Variants in CDH23 observed in about 807,000 individuals in gnomAD.
CDH23 encodes the protein cadherin-23.
CDH23 carries 189 observed loss-of-function variants against 317.1 expected under a neutral mutation model. The ratio of observed to expected loss-of-function variants is 0.60; its 90% CI spans 0.53 to 0.67. The LOEUF (loss-of-function observed/expected upper bound fraction) is 0.67. Among genes scored for constraint, CDH23 ranks in the 30% least tolerant of loss-of-function variants. CDH23 has a pLI of 0.00. For synonymous variants in CDH23, 1,839 were observed against 1,876.8 expected, an observed-to-expected ratio of 0.98 and a Z score of 0.52; for missense variants, 4,401 against 4,592.4, an observed-to-expected ratio of 0.96 and a Z score of 1.20.
At chr10:71,809,530 CAG>C (rs1206633831) in intron 60 of CDH23, among the ~76,000 whole-genome samples, 1 of 152,176 alleles carries the variant, frequency 6.6e-6, no homozygotes, top group Non-Finnish European at 1.5e-5. Flanking sequence ...GAGAAACAGA[CAG>C]ACACTCAGGG....
At chr10:71,664,621 C>T (rs1863808681) in intron 14 of CDH23, among the ~76,000 whole-genome samples, 1 of 152,216 alleles carries the variant, frequency 6.6e-6, no homozygotes, top group South Asian at 2.1e-4. Flanking sequence ...ATAATACTAG[C>T]TCCACTTAGA....
chr10:71,780,791 G>A (rs141022034), intron 41 of CDH23, among the ~76,000 whole-genome samples: 69 of 152,288 alleles, frequency 4.5e-4, no homozygotes, highest in African/African-American at 1.5e-3. Context: ...CAGGGAAGTC[G>A]GATGGGAACC....
intron 3 of CDH23, among the ~76,000 whole-genome samples, chr10:71,499,269 G>C (rs1006400813): frequency 2.0e-5 from 3 of 152,084 alleles, no homozygotes; most frequent in African/African-American, 7.2e-5. Flanking sequence ...AGAGGGGATG[G>C]TTGATGAGTA....
At position 71,812,033 on chromosome 10, in the gene CDH23, C is replaced by T. The variant is rs2133004447; in HGVS notation, c.9380+18C>T. 6.2e-7 allele frequency: 1 copy of T among 1,613,956 alleles called. No individual in the cohort carries two copies. The highest frequency in any genetic ancestry group is 8.5e-7 in the Non-Finnish European group (1 of 1,179,870). ...TTTGATGGGTGAGTGGGGTACTGGC[C>T]CTGCCCGGTCCCCTGCGGGGAGTCC... On this transcript the variant is annotated intron_variant, in intron 66 of 69. Transcript: ENST00000224721.
chr10:71,666,196 A>T (rs1863884549), intron 14 of CDH23, among the ~76,000 whole-genome samples: 1 of 151,450 alleles, frequency 6.6e-6, no homozygotes, highest in Admixed American at 6.6e-5. Flanking sequence ...CCTCCAGCCC[A>T]GCCCCCCTTC....
chr10:71,777,690 A>G lies in CDH23; in HGVS notation c.4856A>G (p.His1619Arg). 1 of 1,611,424 alleles carries G rather than the reference A, an allele frequency of 6.2e-7. No homozygotes were observed. Among genetic ancestry groups the G allele is most frequent in the Non-Finnish European group, 8.5e-7 (1 of 1,178,962 alleles). Reference protein sequence around the residue: ...EGTPTLSATTHVYVTIVDEND... With the variant: ...EGTPTLSATTRVYVTIVDEND... ...CACTCTTTTCCACAGGCCACCACGC[A>G]CGTGTACGTGACCATTGTGGATGAG... The change falls in exon 39 of 70, where the codon CAC becomes CGC. Residue 1619 changes from histidine to arginine, a missense_variant. Transcript: ENST00000224721.
intron 6 of CDH23, among the ~76,000 whole-genome samples, chr10:71,518,401 G>T (rs1854463667): frequency 6.6e-6 from 1 of 152,216 alleles, no homozygotes. Context: ...CTGAGGCCCT[G>T]ATCCATCCCT....
intron 9 of CDH23, among the ~76,000 whole-genome samples, chr10:71,611,616 A>T (rs987366938): frequency 2.0e-5 from 3 of 152,172 alleles, no homozygotes; most frequent in African/African-American, 7.2e-5. Context: ...CCTTTTACAG[A>T]CCAAGCAACT....
chr10:71,811,478 C>T lies in CDH23; in HGVS notation c.9199-33C>T, dbSNP rs373219086. 3 of 1,613,906 alleles carry T rather than the reference C, an allele frequency of 1.9e-6. No homozygotes were observed. In the African/African-American group the frequency reaches 4.0e-5, roughly 22 times the overall value. On this transcript the variant is annotated intron_variant, in intron 63 of 69. Coordinates refer to ENST00000224721, the MANE Select transcript of CDH23 (RefSeq NM_022124.6). Reference sequence around the variant, plus strand: ...CCCACAGCCCTAGCCGCCCTCCCCACTGCCCGGGCTTACCCTGGTCCTGCT... The same window carrying T: ...CCCACAGCCCTAGCCGCCCTCCCCATTGCCCGGGCTTACCCTGGTCCTGCT...
intron 1 of CDH23, among the ~76,000 whole-genome samples, chr10:71,418,231 T>C (rs1364243472): frequency 6.6e-6 from 1 of 152,214 alleles, no homozygotes; most frequent in Non-Finnish European, 1.5e-5. Flanking sequence ...AATGTTTTAA[T>C]GAATGTCAGT....
At chr10:71,634,845 T>C (rs1402877988) in intron 11 of CDH23, among the ~76,000 whole-genome samples, 2 of 152,276 alleles carry the variant, frequency 1.3e-5, no homozygotes, top group Non-Finnish European at 2.9e-5. Flanking sequence ...CACATAAAGC[T>C]TGCCCTTTGG....
At chr10:71,534,103 G>A (rs146689312) in intron 6 of CDH23, among the ~76,000 whole-genome samples, 49 of 152,156 alleles carry the variant, frequency 3.2e-4, no homozygotes, top group Middle Eastern at 6.8e-3. Flanking sequence ...ATCCCTTTGC[G>A]CCGAGATGCC....
At chr10:71,600,112 C>T (rs184186137) in intron 9 of CDH23, among the ~76,000 whole-genome samples, 1 of 149,214 alleles carries the variant, frequency 6.7e-6, no homozygotes, top group East Asian at 2.1e-4. Context: ...AAGCAAATCT[C>T]CTGCCTCAGC....
chr10:71,533,623 G>A (rs1425561634), intron 6 of CDH23, among the ~76,000 whole-genome samples: 1 of 151,618 alleles, frequency 6.6e-6, no homozygotes, highest in African/African-American at 2.4e-5. Context: ...CCTGTTAAAA[G>A]CGTAGGTGAT....
chr10:71,759,049 T>G (rs1840221778), intron 38 of CDH23, among the ~76,000 whole-genome samples: 1 of 151,556 alleles, frequency 6.6e-6, no homozygotes, highest in African/African-American at 2.4e-5. Context: ...TTGGGTTGTT[T>G]TTTTTTTGAG....
intron 6 of CDH23, among the ~76,000 whole-genome samples, chr10:71,547,158 A>G (rs557876623): frequency 6.6e-6 from 1 of 152,350 alleles, no homozygotes; most frequent in South Asian, 2.1e-4. Context: ...ACCTAATGTC[A>G]GTGGGATTGG....
At chr10:71,709,856 C>T (rs10999967) in intron 27 of CDH23, among the ~76,000 whole-genome samples, 12,214 of 152,014 alleles carry the variant, frequency 0.08, 1,083 homozygotes, top group African/African-American at 0.2. Context: ...TACAGTTCCA[C>T]GTGGCTGGGG....
At chr10:71,473,562 A>G (rs936043333) in intron 3 of CDH23, among the ~76,000 whole-genome samples, 2 of 152,218 alleles carry the variant, frequency 1.3e-5, no homozygotes, top group Non-Finnish European at 2.9e-5. Context: ...AAATCCTGGT[A>G]TCCAGAGGTC....
intron 8 of CDH23, among the ~76,000 whole-genome samples, chr10:71,576,045 C>T (rs958761951): frequency 1.3e-5 from 2 of 152,222 alleles, no homozygotes; most frequent in East Asian, 3.9e-4. Flanking sequence ...CCTGGAGAAC[C>T]GACTGGCCTC....
Sources: allele counts gnomAD v4.1 joint callset (sites outside exome capture counted in the v4.1 genomes callset), GRCh38; gene constraint gnomAD v4.1.1; transcripts MANE v1.5; gene names NCBI Gene and HGNC (gene_info 2026-07-23, HGNC 2026-07-21).